The following URI1 variants were observed in gnomAD, a reference collection of about 807,000 sequenced individuals.
URI1 encodes URI1 prefoldin like chaperone.
A neutral mutation model predicts 60.2 loss-of-function variants in URI1; 39 were observed. That is an observed-to-expected ratio of 0.65 (90% CI 0.50 to 0.85). URI1 has a LOEUF of 0.85. URI1 is among the 40% of genes least tolerant of loss of function. URI1 has a pLI of 0.00. For synonymous variants in URI1, 251 were observed against 236.8 expected, an observed-to-expected ratio of 1.06 and a Z score of -0.55; for missense variants, 691 against 665.9, an observed-to-expected ratio of 1.04 and a Z score of -0.42.
At chr19:29,962,986 C>T (rs981844329) in intron 1 of URI1, among the ~76,000 whole-genome samples, 1 of 152,170 alleles carries the variant, frequency 6.6e-6, no homozygotes, top group African/African-American at 2.4e-5. Context: ...TCTTGTCACT[C>T]CTTTGAAGGC....
At chr19:29,984,802 A>C (rs439099) in intron 2 of URI1, among the ~76,000 whole-genome samples, 5,273 of 152,148 alleles carry the variant, frequency 0.035, 329 homozygotes, top group African/African-American at 0.12. Context: ...GCCACCACAC[A>C]CGACTGAAAG....
At chr19:29,963,786 G>T (rs1302488257) in intron 1 of URI1, among the ~76,000 whole-genome samples, 1 of 152,168 alleles carries the variant, frequency 6.6e-6, no homozygotes, top group Admixed American at 6.5e-5. Context: ...GTGCTGGGTG[G>T]AGTGAAGGCC....
At chr19:29,947,102 A>G (rs1488231210) in intron 1 of URI1, among the ~76,000 whole-genome samples, 1 of 152,196 alleles carries the variant, frequency 6.6e-6, no homozygotes, top group Non-Finnish European at 1.5e-5. Flanking sequence ...CTGTGTGGAT[A>G]TATGGAGGAT....
chr19:29,955,676 T>C (rs1464237771), intron 1 of URI1, among the ~76,000 whole-genome samples: 3 of 151,584 alleles, frequency 2.0e-5, no homozygotes, highest in African/African-American at 7.3e-5. Flanking sequence ...TTTTTTTCTT[T>C]CTTCCTGGGT....
At chr19:29,980,943 AAG>A (rs2055589917) in intron 2 of URI1, among the ~76,000 whole-genome samples, 1 of 150,818 alleles carries the variant, frequency 6.6e-6, no homozygotes, top group South Asian at 2.1e-4. Context: ...AAAAAAAAAA[AAG>A]TTCAATGTTA....
chr19:29,959,275 G>A lies in URI1; in HGVS notation c.118-11918G>A, dbSNP rs538060559. The stretch of plus-strand genomic sequence containing the variant: ...CGAGTAGCTGGGGCTATAGGAATGC[G>A]CCACCATGCCTGGCTAATTTTTCTG... On this transcript the variant is annotated intron_variant, in intron 1 of 10. Coordinates refer to ENST00000392271, the MANE Select transcript of URI1 (RefSeq NM_003796.3). 1.3e-3 allele frequency among the ~76,000 whole-genome samples: 196 copies of A among 152,186 alleles called. 2 individuals carry two copies. Among genetic ancestry groups the A allele is most frequent in the Middle Eastern group, 0.01 (3 of 294 alleles).
chr19:29,991,035 T>C (rs1397201440), intron 4 of URI1, among the ~76,000 whole-genome samples: 1 of 152,152 alleles, frequency 6.6e-6, no homozygotes, highest in Non-Finnish European at 1.5e-5. Context: ...TTCCTTAAAG[T>C]TGGTAGTACG....
upstream of URI1, among the ~76,000 whole-genome samples, chr19:29,941,311 T>A (rs1352635118): frequency 3.3e-5 from 5 of 151,232 alleles, no homozygotes; most frequent in African/African-American, 1.2e-4. Context: ...GGCACAGGAG[T>A]TCTAAAATAA....
At chr19:29,946,958 G>C (rs1035129928) in intron 1 of URI1, among the ~76,000 whole-genome samples, 5 of 152,172 alleles carry the variant, frequency 3.3e-5, no homozygotes, top group Non-Finnish European at 7.4e-5. Context: ...AGGCTAAGTA[G>C]AAAAACAGGA....
chr19:29,944,254 AAGAT>A (rs964055539), intron 1 of URI1, among the ~76,000 whole-genome samples: 66 of 139,542 alleles, frequency 4.7e-4, no homozygotes, highest in African/African-American at 1.5e-3. Flanking sequence ...TTAAAAGAGA[AAGAT>A]AGAAAAAGAA....
intron 1 of URI1, chr19:29,956,542 T>C: frequency 1.3e-6 from 2 of 1,535,696 alleles, no homozygotes; most frequent in Non-Finnish European, 1.8e-6. Flanking sequence ...AAGCTCAGTG[T>C]CATTTCCTTC....
In URI1 at chr19:30,014,949, C is replaced by T; in HGVS notation, c.1488C>T (p.Ala496=). 6.2e-7 allele frequency: 1 copy of T among 1,613,786 alleles called. No homozygotes were observed. The highest frequency in any genetic ancestry group is 8.5e-7 in the Non-Finnish European group (1 of 1,179,760). ...FVSPSLTPPP[A]IAHPALPTIP... is the part of the protein sequence containing the mutation. ...CACCTTCCTTAACACCACCCCCAGCCATTGCTCATCCCGCACTACCCACTA... is the reference window on the plus strand; with the variant it reads ...CACCTTCCTTAACACCACCCCCAGCTATTGCTCATCCCGCACTACCCACTA... Residue 496 remains alanine (A), a synonymous_variant, in exon 11 of 11, where the codon GCC becomes GCT. Transcript: ENST00000392271.
intron 9 of URI1, 108 bp downstream of exon 9, chr19:30,011,344 AAGTGAAGTGTTCTGAGG>A (rs1258096513): frequency 7.1e-7 from 1 of 1,405,074 alleles, no homozygotes; most frequent in East Asian, 2.5e-5. Flanking sequence ...CCTCACTGAA[AAGTGAAGTGTTCTGAGG>A]AGTTAACTTA....
At chr19:30,014,534 G>A (rs2056061615) in intron 10 of URI1, among the ~76,000 whole-genome samples, 1 of 152,142 alleles carries the variant, frequency 6.6e-6, no homozygotes, top group Non-Finnish European at 1.5e-5. Context: ...CACCCTAATA[G>A]CATTTTTATT....
At chr19:29,939,965 G>A (rs2055007631), upstream of URI1, among the ~76,000 whole-genome samples, 3 of 152,190 alleles carry the variant, frequency 2.0e-5, no homozygotes, top group Admixed American at 6.5e-5. Flanking sequence ...CCCTAGAAGG[G>A]AGACTGACAT....
chr19:29,977,558 CTTTTTTT>C lies in URI1; in HGVS notation c.152+6342_152+6348del, dbSNP rs749382980. The stretch of plus-strand genomic sequence containing the variant: ...GGGCTTTTTCTTTATGTTATTTTTT[CTTTTTTT>C]TTTTTTTTTTCCCTCCTCTTGAGCA... On this transcript the variant is annotated intron_variant, in intron 2 of 10. Transcript: ENST00000392271. Among the ~76,000 whole-genome samples, 896 of 112,596 alleles carry C rather than the reference CTTTTTTT, an allele frequency of 8.0e-3. 10 individuals are homozygous for C. Among genetic ancestry groups the C allele is most frequent in the African/African-American group, 0.022 (665 of 30,582 alleles). 73.9% of individuals were successfully genotyped at this position (112,596 alleles called of 152,430 possible). A position where few individuals can be genotyped will look rare whatever the true frequency, so the allele number is the denominator to read the frequency against.
At chr19:29,927,057 G>C (rs1356940413) in intron 1 of URI1, among the ~76,000 whole-genome samples, 1 of 152,202 alleles carries the variant, frequency 6.6e-6, no homozygotes, top group Admixed American at 6.5e-5. Context: ...GGACAGCCTG[G>C]GGTGGGAGAT....
intron 2 of URI1, among the ~76,000 whole-genome samples, chr19:29,975,460 G>A (rs1375964676): frequency 6.7e-6 from 1 of 149,934 alleles, no homozygotes; most frequent in African/African-American, 2.5e-5. Flanking sequence ...TGATGTATAG[G>A]TTCCTCCTAA....
At chr19:29,988,431 A>G (rs1315457478) in intron 4 of URI1, among the ~76,000 whole-genome samples, 3 of 152,180 alleles carry the variant, frequency 2.0e-5, no homozygotes, top group Non-Finnish European at 4.4e-5. Flanking sequence ...AATAGGATAC[A>G]AGATACTGCT....
Sources: allele counts gnomAD v4.1 joint callset (sites outside exome capture counted in the v4.1 genomes callset), GRCh38; gene constraint gnomAD v4.1.1; transcripts MANE v1.5; gene names NCBI Gene and HGNC (gene_info 2026-07-23, HGNC 2026-07-21).